The following STK32C variants were observed in gnomAD, a reference collection of about 807,000 sequenced individuals.
STK32C encodes the protein serine/threonine-protein kinase 32C.
Under a neutral mutation model 56.5 loss-of-function variants are expected in STK32C, and 31 were observed. The observed-to-expected ratio is 0.55, with a 90% CI of 0.41 to 0.74. The LOEUF (loss-of-function observed/expected upper bound fraction) is 0.74, where lower values mean the gene tolerates loss of function less well. Ranked by LOEUF, STK32C falls within the 30% of genes least tolerant of loss-of-function variation. STK32C has a pLI of 0.00. For synonymous variants in STK32C, 309 were observed against 289.4 expected, an observed-to-expected ratio of 1.07 and a Z score of -0.69; for missense variants, 544 against 676.9, an observed-to-expected ratio of 0.80 and a Z score of 2.18.
chr10:132,246,505 G>A (rs1206503083), intron 1 of STK32C, among the ~76,000 whole-genome samples: 1 of 152,210 alleles, frequency 6.6e-6, no homozygotes, highest in Non-Finnish European at 1.5e-5. Flanking sequence ...AGGCGGCTCA[G>A]GGCTGTGGCT....
chr10:132,331,562 G>A (rs2066742874), exon 1 of STK32C: 1 of 1,612,822 alleles, frequency 6.2e-7, no homozygotes, highest in Non-Finnish European at 8.5e-7. Flanking sequence ...CAGCTCCTGT[G>A]GGAAGTGGCT....
chr10:132,264,167 G>A (rs2064412487), intron 1 of STK32C, among the ~76,000 whole-genome samples: 1 of 152,208 alleles, frequency 6.6e-6, no homozygotes, highest in African/African-American at 2.4e-5. Context: ...GTGGTGTGAA[G>A]AGTATGTTCT....
At chr10:132,319,241 G>A (rs117026580), downstream of STK32C, among the ~76,000 whole-genome samples, 9 of 152,236 alleles carry the variant, frequency 5.9e-5, no homozygotes, top group East Asian at 9.6e-4. Flanking sequence ...GAGCCACCAC[G>A]CCCAGTCATG....
chr10:132,222,343 T>C (rs2062707574), intron 10 of STK32C, among the ~76,000 whole-genome samples: 2 of 151,966 alleles, frequency 1.3e-5, no homozygotes, highest in Admixed American at 1.3e-4. Flanking sequence ...CACATAGCCG[T>C]CCCCGCACAC....
chr10:132,331,828 C>T (rs1188567619), exon 1 of STK32C: 7 of 1,542,174 alleles, frequency 4.5e-6, no homozygotes, highest in Middle Eastern at 1.8e-4. Context: ...CCCTTCAAGG[C>T]CGCGGGCGCG....
At chr10:132,331,284 ACAGAGGGTGCTACTTTTCATTAT>A (rs368497810) in intron 1 of STK32C, among the ~76,000 whole-genome samples, 6 of 150,252 alleles carry the variant, frequency 4.0e-5, no homozygotes, top group African/African-American at 1.5e-4. Context: ...TCTGGGTGGG[ACAGAGGGTGCTACTTTTCATTAT>A]CAGTTGGATC....
intron 1 of STK32C, among the ~76,000 whole-genome samples, chr10:132,318,572 G>A (rs766343016): frequency 2.0e-5 from 3 of 151,272 alleles, no homozygotes; most frequent in Non-Finnish European, 4.4e-5. Context: ...CTGAGATTGC[G>A]CCACTGCACT....
chr10:132,315,134 CA>C (rs951381145), intron 1 of STK32C, among the ~76,000 whole-genome samples: 6 of 146,906 alleles, frequency 4.1e-5, no homozygotes, highest in African/African-American at 5.0e-5. Flanking sequence ...AATTCCATCT[CA>C]AAAAAAAAAG....
intron 8 of STK32C, among the ~76,000 whole-genome samples, 185 bp downstream of exon 8, chr10:132,224,222 A>G (rs2062790939): frequency 6.6e-6 from 1 of 152,136 alleles, no homozygotes; most frequent in Non-Finnish European, 1.5e-5. Context: ...AGAGCCTGCC[A>G]CCAGCTCGCT....
At chr10:132,297,637 G>A (rs1167523135) in intron 1 of STK32C, among the ~76,000 whole-genome samples, 1 of 152,202 alleles carries the variant, frequency 6.6e-6, no homozygotes, top group African/African-American at 2.4e-5. Flanking sequence ...AGACACACAA[G>A]ATGACTGATG....
Position 132,263,449 on chromosome 10 carries a change from AGAG to A in STK32C, c.263-17497_263-17495del, listed in dbSNP as rs780788599. 1.4e-4 allele frequency among the ~76,000 whole-genome samples: 21 copies of A among 152,226 alleles called. No individual in the cohort carries two copies. In the South Asian group the frequency reaches 3.9e-3, roughly 29 times the overall value. On this transcript the variant is annotated intron_variant, in intron 1 of 11. Coordinates refer to ENST00000298630, the MANE Select transcript of STK32C (RefSeq NM_173575.4). ...CACCGGGACTGCGAGGCAGGGGAGA[AGAG>A]GAGGAGTCAAGGGTTGAAAAACCAG...
chr10:132,239,468 C>T (rs2063422241), intron 2 of STK32C, among the ~76,000 whole-genome samples: 1 of 152,224 alleles, frequency 6.6e-6, no homozygotes, highest in Admixed American at 6.5e-5. Flanking sequence ...CGCCATTGCT[C>T]CAAAGTCCCC....
upstream of STK32C, chr10:132,331,870 TGCGCAG>T (rs1207579519): frequency 7.7e-7 from 1 of 1,299,068 alleles, no homozygotes; most frequent in Non-Finnish European, 1.1e-6. Flanking sequence ...GCCGCGTGCG[TGCGCAG>T]GCGCACCACC....
intron 1 of STK32C, among the ~76,000 whole-genome samples, chr10:132,281,822 G>A (rs2065217159): frequency 6.6e-6 from 1 of 152,244 alleles, no homozygotes. Flanking sequence ...AAGCCCGGGT[G>A]GGAGATCAGA....
intron 10 of STK32C, among the ~76,000 whole-genome samples, chr10:132,210,985 G>C (rs1453454980): frequency 2.0e-5 from 3 of 152,214 alleles, no homozygotes; most frequent in Non-Finnish European, 4.4e-5. Context: ...CCAGCACCTT[G>C]CCAAGGACTC....
Position 132,251,195 on chromosome 10 carries a change from A to C in STK32C, c.263-5240T>G, listed in dbSNP as rs553832473. On this transcript the variant is annotated intron_variant, in intron 1 of 11. Transcript: ENST00000298630. ...GGGTGACCCCAGCTACTGGGTCCCC[A>C]GGCCATGAATCTGCTCCCAGGCCCT... 1.1e-3 allele frequency among the ~76,000 whole-genome samples: 167 copies of C among 152,316 alleles called. 1 individual carries two copies. Among genetic ancestry groups the C allele is most frequent in the African/African-American group, 3.9e-3 (161 of 41,576 alleles).
At chr10:132,331,200 CAAA>C (rs35734065) in intron 1 of STK32C, among the ~76,000 whole-genome samples, 25 of 56,304 alleles carry the variant, frequency 4.4e-4, no homozygotes, top group Middle Eastern at 0.012. Flanking sequence ...GACTCCACCT[CAAA>C]AAAAAAAAAA....
chr10:132,296,924 G>A (rs1389836288), intron 1 of STK32C, among the ~76,000 whole-genome samples: 2 of 152,230 alleles, frequency 1.3e-5, no homozygotes, highest in East Asian at 3.8e-4. Flanking sequence ...AGGGCCAGTG[G>A]GGAGACCACG....
intron 2 of STK32C, among the ~76,000 whole-genome samples, chr10:132,239,738 T>C (rs2063434512): frequency 6.6e-6 from 1 of 152,218 alleles, no homozygotes; most frequent in African/African-American, 2.4e-5. Context: ...TAGCGGCCAC[T>C]GATGGCTCCC....
Sources: gnomAD v4.1 joint callset for allele counts (sites outside exome capture counted in the v4.1 genomes callset) on GRCh38, gnomAD v4.1.1 for gene constraint, MANE v1.5 for transcripts, NCBI Gene and HGNC (gene_info 2026-07-23, HGNC 2026-07-21) for gene names.